Variants in NXPH1 observed in about 807,000 individuals in gnomAD.
NXPH1 encodes the protein neurexophilin-1.
NXPH1 carries 5 observed loss-of-function variants against 23.7 expected under a neutral mutation model. The observed-to-expected ratio is 0.21, with a 90% CI of 0.11 to 0.44. NXPH1 has a LOEUF of 0.44. Among genes scored for constraint, NXPH1 ranks in the 20% least tolerant of loss-of-function variants. NXPH1 has a pLI of 0.99. For synonymous variants in NXPH1, 144 were observed against 122.2 expected (o/e 1.18, Z -1.18); for missense variants, 324 against 321.6 (o/e 1.01, Z -0.06).
chr7:8,603,482 C>T (rs1819410025), intron 2 of NXPH1, among the ~76,000 whole-genome samples: 1 of 152,154 alleles, frequency 6.6e-6, no homozygotes, highest in Non-Finnish European at 1.5e-5. Context: ...TCATCAGCCA[C>T]CTTCCAGGTA....
At chr7:8,468,788 G>T (rs375610387) in intron 2 of NXPH1, among the ~76,000 whole-genome samples, 19 of 152,174 alleles carry the variant, frequency 1.2e-4, no homozygotes, top group African/African-American at 4.1e-4. Context: ...TCAGTTCTTA[G>T]ATTTGAGCGA....
chr7:8,634,154 C>G (rs1299582908), intron 2 of NXPH1, among the ~76,000 whole-genome samples: 2 of 152,168 alleles, frequency 1.3e-5, no homozygotes, highest in Non-Finnish European at 2.9e-5. Flanking sequence ...TGAACTGTAG[C>G]TCCCATAATC....
At chr7:8,670,555 C>T (rs542288010) in intron 2 of NXPH1, among the ~76,000 whole-genome samples, 1 of 151,434 alleles carries the variant, frequency 6.6e-6, no homozygotes, top group South Asian at 2.1e-4. Context: ...TCCTTTTGTC[C>T]CCTCCCTTCC....
chr7:8,714,820 T>C (rs1178669817), intron 2 of NXPH1, among the ~76,000 whole-genome samples: 1 of 152,094 alleles, frequency 6.6e-6, no homozygotes, highest in Middle Eastern at 3.2e-3. Flanking sequence ...CCAAGTTGCA[T>C]GACAAAGTCC....
At chr7:8,533,106 G>C (rs1008217250) in intron 2 of NXPH1, among the ~76,000 whole-genome samples, 1 of 152,064 alleles carries the variant, frequency 6.6e-6, no homozygotes, top group African/African-American at 2.4e-5. Context: ...GAAATTAAGT[G>C]ACCTGTTTTA....
chr7:8,522,637 G>A (rs940004705), intron 2 of NXPH1, among the ~76,000 whole-genome samples: 4 of 152,042 alleles, frequency 2.6e-5, no homozygotes, highest in Non-Finnish European at 4.4e-5. Context: ...TTATTCCATT[G>A]TCATTTAGAT....
chr7:8,582,454 G>C (rs1008601481), intron 2 of NXPH1, among the ~76,000 whole-genome samples: 1 of 152,162 alleles, frequency 6.6e-6, no homozygotes, highest in Non-Finnish European at 1.5e-5. Flanking sequence ...AGAATAGCTC[G>C]CAGGAGACTT....
At chr7:8,451,336 C>T (rs900371445) in intron 2 of NXPH1, among the ~76,000 whole-genome samples, 2 of 152,014 alleles carry the variant, frequency 1.3e-5, no homozygotes, top group Non-Finnish European at 2.9e-5. Flanking sequence ...TGATTTTGAT[C>T]GCTAATGACT....
At chr7:8,708,362 A>T (rs1223825466) in intron 2 of NXPH1, among the ~76,000 whole-genome samples, 1 of 151,730 alleles carries the variant, frequency 6.6e-6, no homozygotes, top group East Asian at 1.9e-4. Flanking sequence ...TTATTTTTTT[A>T]AATTTTTTTG....
At chr7:8,668,274 TG>T (rs377553040) in intron 2 of NXPH1, among the ~76,000 whole-genome samples, 52,784 of 119,556 alleles carry the variant, frequency 0.44, 9,539 homozygotes, top group South Asian at 0.54. Flanking sequence ...TTTTTTATTT[TG>T]TTGTTGTTGT....
chr7:8,453,515 G>C (rs926294611), intron 2 of NXPH1, among the ~76,000 whole-genome samples: 3 of 152,104 alleles, frequency 2.0e-5, no homozygotes. Flanking sequence ...TCTTACTCAT[G>C]AGTTGTAAAG....
At chr7:8,454,194 C>T (rs898083815) in intron 2 of NXPH1, among the ~76,000 whole-genome samples, 3 of 151,902 alleles carry the variant, frequency 2.0e-5, no homozygotes, top group Admixed American at 6.6e-5. Flanking sequence ...CCCATGACAC[C>T]TATGTAACAA....
intron 2 of NXPH1, among the ~76,000 whole-genome samples, chr7:8,441,575 G>T (rs901452139): frequency 9.9e-5 from 15 of 152,144 alleles, no homozygotes; most frequent in African/African-American, 3.6e-4. Flanking sequence ...TAATGAAAGT[G>T]CTCCCCAGAT....
chr7:8,578,810 G>T (rs1818805992), intron 2 of NXPH1, among the ~76,000 whole-genome samples: 2 of 152,176 alleles, frequency 1.3e-5, no homozygotes, highest in Non-Finnish European at 2.9e-5. Context: ...ACCAAGAAAG[G>T]CTTCTCTGAA....
chr7:8,557,846 C>T (rs1400053874), intron 2 of NXPH1, among the ~76,000 whole-genome samples: 1 of 151,686 alleles, frequency 6.6e-6, no homozygotes. Context: ...CTAAAACATT[C>T]TGCAGATTTA....
chr7:8,710,012 C>T (rs1212485239), intron 2 of NXPH1, among the ~76,000 whole-genome samples: 1 of 152,188 alleles, frequency 6.6e-6, no homozygotes, highest in Non-Finnish European at 1.5e-5. Context: ...TCTTATGCTT[C>T]AGGGCATAAA....
At chr7:8,595,086 C>G (rs1460464883) in intron 2 of NXPH1, among the ~76,000 whole-genome samples, 1 of 151,986 alleles carries the variant, frequency 6.6e-6, no homozygotes, top group African/African-American at 2.4e-5. Flanking sequence ...CCCTAATTTT[C>G]AATGGCAACA....
At position 8,748,051 on chromosome 7, in the gene NXPH1, T is replaced by C. The variant is rs145951736; in HGVS notation, c.55-2957T>C. 3.1e-3 allele frequency among the ~76,000 whole-genome samples: 465 copies of C among 152,342 alleles called. 11 individuals carry two copies. The highest frequency in any genetic ancestry group is 0.022 in the Admixed American group (343 of 15,302). On this transcript the variant is annotated intron_variant, in intron 2 of 2. Coordinates refer to ENST00000405863, the MANE Select transcript of NXPH1 (RefSeq NM_152745.3). Reference sequence around the variant, plus strand: ...CTTTATTGTCAGGATAGATTGGAAATGTATTGCTTTTTTCTTAAGAAAAGT... The same window carrying C: ...CTTTATTGTCAGGATAGATTGGAAACGTATTGCTTTTTTCTTAAGAAAAGT...
At chr7:8,514,267 T>C (rs1486656648) in intron 2 of NXPH1, among the ~76,000 whole-genome samples, 3 of 152,298 alleles carry the variant, frequency 2.0e-5, no homozygotes, top group Non-Finnish European at 4.4e-5. Flanking sequence ...AGGCTGAAGC[T>C]ATAAGTGTTG....
Sources: allele counts gnomAD v4.1 joint callset (sites outside exome capture counted in the v4.1 genomes callset), GRCh38; gene constraint gnomAD v4.1.1; transcripts MANE v1.5; gene names NCBI Gene and HGNC (gene_info 2026-07-23, HGNC 2026-07-21).